PPARGC1A: variants seen among roughly 807,000 people sequenced by gnomAD.
PPARGC1A encodes the protein peroxisome proliferator-activated receptor gamma coactivator 1-alpha.
In PPARGC1A, 25 loss-of-function variants were observed where a neutral mutation model predicts 88.7. That is an observed-to-expected ratio of 0.28 (90% CI 0.21 to 0.39). PPARGC1A has a LOEUF of 0.39. PPARGC1A is among the 10% of genes least tolerant of loss of function. The pLI is 1.00. For synonymous variants in PPARGC1A, 363 were observed against 355.6 expected (o/e 1.02, Z -0.24); for missense variants, 880 against 968.7 (o/e 0.91, Z 1.22).
chr4:23,838,848 T>G (rs750930488), intron 2 of PPARGC1A, among the ~76,000 whole-genome samples: 1 of 152,190 alleles, frequency 6.6e-6, no homozygotes, highest in Non-Finnish European at 1.5e-5. Flanking sequence ...CAGAATCTAA[T>G]GCACATATAT....
At chr4:24,048,022 T>C in the PPARGC1A span, among the ~76,000 whole-genome samples, 1 of 152,218 alleles carries the variant, frequency 6.6e-6, no homozygotes, top group Non-Finnish European at 1.5e-5. Context: ...GCATGTCTTT[T>C]GATGTGCCCA....
intron 2 of PPARGC1A, among the ~76,000 whole-genome samples, chr4:23,846,709 C>CA (rs2148644625): frequency 6.6e-6 from 1 of 151,434 alleles, no homozygotes; most frequent in East Asian, 2.0e-4. Context: ...TAGCGATGAA[C>CA]AAAATAATTA....
chr4:24,082,542 C>T, the PPARGC1A span, among the ~76,000 whole-genome samples: 4 of 152,128 alleles, frequency 2.6e-5, no homozygotes, highest in African/African-American at 9.7e-5. Context: ...TAGAAAATTG[C>T]GGCTTTTGCA....
the PPARGC1A span, among the ~76,000 whole-genome samples, chr4:24,158,805 G>C: frequency 6.6e-6 from 1 of 151,608 alleles, no homozygotes; most frequent in African/African-American, 2.4e-5. Flanking sequence ...GCAACCAATA[G>C]CCAGTTATTT....
At chr4:24,202,842 GAA>G in the PPARGC1A span, among the ~76,000 whole-genome samples, 6 of 152,096 alleles carry the variant, frequency 3.9e-5, no homozygotes, top group Admixed American at 2.6e-4. Context: ...CCCTATTTCA[GAA>G]AAGAGTCATT....
chr4:23,915,946 A>G, the PPARGC1A span, among the ~76,000 whole-genome samples: 398 of 152,338 alleles, frequency 2.6e-3, 1 homozygote, highest in Non-Finnish European at 4.4e-3. Flanking sequence ...ATAACTGTGA[A>G]GCATCTGGGC....
chr4:24,197,048 CAACCTGT>C, the PPARGC1A span, among the ~76,000 whole-genome samples: 3 of 152,188 alleles, frequency 2.0e-5, no homozygotes, highest in African/African-American at 7.2e-5. Flanking sequence ...GGTGCCTAGT[CAACCTGT>C]ACTGATGGAA....
At chr4:24,270,358 T>C in the PPARGC1A span, among the ~76,000 whole-genome samples, 5 of 136,512 alleles carry the variant, frequency 3.7e-5, no homozygotes, top group African/African-American at 1.4e-4. Context: ...TGTGTGTGTA[T>C]GTGTGTAAAA....
the PPARGC1A span, among the ~76,000 whole-genome samples, chr4:24,277,255 T>C: frequency 1.3e-4 from 20 of 152,152 alleles, no homozygotes; most frequent in Non-Finnish European, 4.4e-5. Context: ...ATTTTTGTAT[T>C]TTTTATAGAG....
At chr4:23,832,582 G>A (rs546995241) in intron 2 of PPARGC1A, among the ~76,000 whole-genome samples, 2 of 150,422 alleles carry the variant, frequency 1.3e-5, no homozygotes, top group South Asian at 2.1e-4. Flanking sequence ...CTATTCCAGT[G>A]CACTATTATT....
intron 7 of PPARGC1A, chr4:23,820,541 T>C (rs894883289): frequency 2.2e-5 from 8 of 365,392 alleles, no homozygotes; most frequent in Middle Eastern, 7.8e-4. Flanking sequence ...AAAATCTCCA[T>C]ATGCAATAGA....
chr4:24,319,938 AAAAG>A, the PPARGC1A span, among the ~76,000 whole-genome samples: 1 of 152,266 alleles, frequency 6.6e-6, no homozygotes, highest in East Asian at 1.9e-4. Flanking sequence ...TGGCTCATTA[AAAAG>A]AAAGACAATT....
chr4:24,118,130 T>C, the PPARGC1A span, among the ~76,000 whole-genome samples: 3 of 152,120 alleles, frequency 2.0e-5, no homozygotes, highest in East Asian at 5.8e-4. Flanking sequence ...TGCAGAAATC[T>C]TCCTGTCACC....
At chr4:24,457,109 T>C in the PPARGC1A span, among the ~76,000 whole-genome samples, 1 of 152,130 alleles carries the variant, frequency 6.6e-6, no homozygotes, top group African/African-American at 2.4e-5. Context: ...TATGGGATCA[T>C]ACAGTTTTGC....
the PPARGC1A span, among the ~76,000 whole-genome samples, chr4:23,952,305 C>T: frequency 6.6e-6 from 1 of 152,160 alleles, no homozygotes; most frequent in Non-Finnish European, 1.5e-5. Context: ...CTTCTCTGCT[C>T]TGCATCTTGG....
At chr4:24,361,034 C>A in the PPARGC1A span, among the ~76,000 whole-genome samples, 18 of 152,126 alleles carry the variant, frequency 1.2e-4, no homozygotes, top group African/African-American at 3.9e-4. Context: ...GGGTTGCAGG[C>A]AGATGAGAGG....
At chr4:24,013,362 C>G in the PPARGC1A span, among the ~76,000 whole-genome samples, 1 of 152,082 alleles carries the variant, frequency 6.6e-6, no homozygotes, top group Non-Finnish European at 1.5e-5. Flanking sequence ...TTTTCCTTCC[C>G]ACTCTAGTCC....
chr4:24,166,692 G>A, the PPARGC1A span, among the ~76,000 whole-genome samples: 1 of 152,164 alleles, frequency 6.6e-6, no homozygotes, highest in Admixed American at 6.5e-5. Context: ...TAAATATATT[G>A]TGTCTCTGCT....
the PPARGC1A span, among the ~76,000 whole-genome samples, chr4:24,010,028 G>T: frequency 6.6e-6 from 1 of 152,170 alleles, no homozygotes; most frequent in African/African-American, 2.4e-5. Flanking sequence ...TAGTTGATTG[G>T]TTGGTTGAAT....
Sources: gnomAD v4.1 joint callset for allele counts (sites outside exome capture counted in the v4.1 genomes callset) on GRCh38, gnomAD v4.1.1 for gene constraint, MANE v1.5 for transcripts, NCBI Gene and HGNC (gene_info 2026-07-23, HGNC 2026-07-21) for gene names.